Variants in SNED1 observed in about 807,000 individuals in gnomAD.
SNED1 encodes the protein sushi, nidogen and EGF like domains 1, also known as sushi, nidogen and EGF-like domain-containing protein 1.
In SNED1, 81 loss-of-function variants were observed where a neutral mutation model predicts 166.7. The ratio of observed to expected loss-of-function variants is 0.49; its 90% confidence interval spans 0.41 to 0.58. The LOEUF is 0.58. SNED1 is among the 20% of genes least tolerant of loss of function. The probability of loss-of-function intolerance (pLI) is 0.00; values close to 1 mark genes in which losing one functional copy is unlikely to be tolerated. For synonymous variants in SNED1, 762 were observed against 822.0 expected (o/e 0.93, Z 1.25); for missense variants, 1,604 against 2,000.2 (o/e 0.80, Z 3.78).
rs576654089 is a variant in SNED1, at chr2:241,019,377, T to A, written c.214-10907T>A. On this transcript the variant is annotated intron_variant, in intron 1 of 31. Transcript: ENST00000310397. ...AGACAAAGGGAGCATCACTGTCAGA[T>A]GCAAATCGTCCAGAAAGTCAAAAGC... Among the ~76,000 whole-genome samples, 14 of 152,328 alleles carry A rather than the reference T, an allele frequency of 9.2e-5. No homozygotes were observed. The East Asian group carries it at 2.5e-3, about 27-fold the overall frequency.
At chr2:241,014,948 G>A (rs2124846792) in intron 1 of SNED1, among the ~76,000 whole-genome samples, 1 of 152,264 alleles carries the variant, frequency 6.6e-6, no homozygotes, top group Middle Eastern at 3.4e-3. Context: ...GCGCCGTTGT[G>A]GCTGTTCCCG....
chr2:241,053,172 G>A lies in SNED1; in HGVS notation c.2103G>A (p.Pro701=), dbSNP rs756170797. 2.4e-5 allele frequency: 39 copies of A among 1,610,678 alleles called. No homozygotes were observed. Among genetic ancestry groups the A allele is most frequent in the Admixed American group, 8.3e-5 (5 of 59,886 alleles). The change falls in exon 16 of 32, where the codon CCG becomes CCA. Residue 701 remains proline, a synonymous_variant. Transcript: ENST00000310397. ...TTGCAGAGGTGGACTGCGGCCCCCCGGAGGAGGTGAAGCACGCCACACTGC... is the reference window on the plus strand; with the variant it reads ...TTGCAGAGGTGGACTGCGGCCCCCCAGAGGAGGTGAAGCACGCCACACTGC... ...RCQAEVDCGP[P]EEVKHATLRF...
At chr2:241,088,772 G>C (rs934823274) in intron 31 of SNED1, 1 of 276,914 alleles carries the variant, frequency 3.6e-6, no homozygotes, top group African/African-American at 2.2e-5. Flanking sequence ...TGGCACCTGG[G>C]AGGAGGGGCC....
chr2:241,068,999 A>T lies in SNED1; in HGVS notation c.3283A>T (p.Thr1095Ser). 1 of 1,553,034 alleles carries T rather than the reference A, an allele frequency of 6.4e-7. No individual in the cohort carries two copies. The highest frequency in any genetic ancestry group is 8.7e-7 in the Non-Finnish European group (1 of 1,148,452). ...GEEHPTESLATAPTHVWTRPL... is the reference protein window; with the variant it reads ...GEEHPTESLASAPTHVWTRPL... The stretch of plus-strand genomic sequence containing the variant: ...GGAGCACCCCACAGAGAGCCTGGCC[A>T]CCGCGCCGACGCACGTGTGGACCCG... Residue 1095 changes from threonine (T) to serine (S), a missense_variant, in exon 23 of 32, where the codon ACC becomes TCC. By Grantham distance (58) the Thr-to-Ser change is moderately conservative. Coordinates refer to ENST00000310397, the MANE Select transcript of SNED1 (RefSeq NM_001080437.3). This position sits in a 1 kb window ranked among gnomAD's most constrained non-coding sequence, Gnocchi z 5.3.
At chr2:241,087,246 C>T (rs2063631966) in intron 29 of SNED1, 146 bp from the exon 30 acceptor site, 1 of 640,476 alleles carries the variant, frequency 1.6e-6, no homozygotes, top group Non-Finnish European at 2.7e-6. Flanking sequence ...TTTAATACAT[C>T]AATAGGAGGT....
chr2:241,029,748 G>A (rs553043766), intron 1 of SNED1, among the ~76,000 whole-genome samples: 5 of 152,232 alleles, frequency 3.3e-5, no homozygotes, highest in Non-Finnish European at 7.4e-5. Context: ...CCGAGCACAG[G>A]CTCCCCTACT....
chr2:241,036,827 C>G lies in SNED1; in HGVS notation c.843C>G (p.Gly281=). ...TGGCCCTGCGCCCCTGCCTCAACGGCGGCAAGTGCATCGACGACTGCGTCA... is the reference window on the plus strand; with the variant it reads ...TGGCCCTGCGCCCCTGCCTCAACGGGGGCAAGTGCATCGACGACTGCGTCA... ...VCLALRPCLN[G]GKCIDDCVTG... is the part of the protein sequence containing the mutation. The change falls in exon 5 of 32, where the codon GGC becomes GGG. Residue 281 remains glycine (G), a synonymous_variant. Coordinates refer to ENST00000310397, the MANE Select transcript of SNED1 (RefSeq NM_001080437.3). 1 of 1,610,946 alleles carries G rather than the reference C, an allele frequency of 6.2e-7. No individual in the cohort carries two copies. The highest frequency in any genetic ancestry group is 1.1e-5 in the South Asian group (1 of 91,082).
rs1310680611 is a variant in SNED1 at position 241,065,534 on chromosome 2, G to A, written c.2949G>A (p.Val983=). The change falls in exon 21 of 32, where the codon GTG becomes GTA. Residue 983 remains valine (V), a synonymous_variant. Coordinates refer to ENST00000310397, the MANE Select transcript of SNED1 (RefSeq NM_001080437.3). ...CCTACAACATCTCCGTCTTCTCAGT[G>A]AAGCGAAACAGTAACAACAAGAATG... ...GRAYNISVFS[V]KRNSNNKNDI... is the part of the protein sequence containing the mutation. 1.2e-6 allele frequency: 2 copies of A among 1,612,812 alleles called. No homozygotes were observed. The highest frequency in any genetic ancestry group is 1.3e-5 in the African/African-American group (1 of 74,946).
At chr2:241,040,649 G>T (rs529052573) in intron 8 of SNED1, among the ~76,000 whole-genome samples, 5 of 152,310 alleles carry the variant, frequency 3.3e-5, no homozygotes, top group Non-Finnish European at 7.3e-5. Context: ...CCTCCAGGGT[G>T]CTGTGTGAGG....
chr2:241,034,507 C>A, intron 3 of SNED1, 61 bp from the exon 4 acceptor site: 1 of 1,450,898 alleles, frequency 6.9e-7, no homozygotes, highest in Non-Finnish European at 9.4e-7. Context: ...GGCAGGGTAA[C>A]CCCCACCTCT....
rs778898633 is a variant in SNED1 at position 241,064,118 on chromosome 2, C to T, written c.2592C>T (p.Cys864=). The change falls in exon 19 of 32, where the codon TGC becomes TGT. Residue 864 remains cysteine (C), a synonymous_variant. Transcript: ENST00000310397. This position sits in a 1 kb window ranked among gnomAD's most constrained non-coding sequence, Gnocchi z 7.0. ...VCPESFFGYH[C]ETVSDPCFSS... is the part of the protein sequence containing the mutation. ...CAGAGAGCTTCTTCGGCTACCACTG[C>T]GAGACAGGTAGGGCGGCAGGCCTGC... 3.9e-6 allele frequency: 6 copies of T among 1,557,188 alleles called. No individual in the cohort carries two copies. Among genetic ancestry groups the T allele is most frequent in the African/African-American group, 2.7e-5 (2 of 73,192 alleles).
chr2:240,999,299 C>T lies in SNED1; in HGVS notation c.213+249C>T, dbSNP rs564059910. Reference sequence around the variant, plus strand: ...CGGGGGCGAGTGGAGCGCGGCGCCCCGGCCCCTGCCAGACCTGCCGAGCGC... The same window carrying T: ...CGGGGGCGAGTGGAGCGCGGCGCCCTGGCCCCTGCCAGACCTGCCGAGCGC... On this transcript the variant is annotated intron_variant, in intron 1 of 31. Transcript: ENST00000310397. The surrounding 1 kb of genome is among the most constrained non-coding windows in gnomAD (Gnocchi z 5.8). 1.5e-3 allele frequency among the ~76,000 whole-genome samples: 222 copies of T among 151,332 alleles called. 3 individuals are homozygous for T. The South Asian group carries it at 0.024, about 17-fold the overall frequency.
At chr2:241,057,380 AATATATATATATATATAT>A (rs57902432) in intron 16 of SNED1, among the ~76,000 whole-genome samples, 20 of 118,114 alleles carry the variant, frequency 1.7e-4, no homozygotes, top group East Asian at 2.9e-4. Context: ...TCCATCTCAA[AATATATATATATATATAT>A]ATATATATAT....
chr2:241,072,063 A>G lies in SNED1; in HGVS notation c.3817+185A>G, dbSNP rs550938363. On this transcript the variant is annotated intron_variant, in intron 26 of 31. Coordinates refer to ENST00000310397, the MANE Select transcript of SNED1 (RefSeq NM_001080437.3). ...TGGGCCGCCGGCAGCATGCACCTCC[A>G]TGGCAGGAGGGGCAGCTCGTGAGGG... is the stretch of plus-strand genomic sequence containing the variant. 287 of 703,320 alleles carry G rather than the reference A, an allele frequency of 4.1e-4. 1 individual carries two copies. The highest frequency in any genetic ancestry group is 4.1e-3 in the African/African-American group (234 of 57,354). The allele number at this position is 703,320 out of a possible 1,614,324, so 43.6% of individuals were successfully genotyped here.
At chr2:241,024,264 T>TTTTTTTTTTTTTTTTTA (rs2060871972) in intron 1 of SNED1, among the ~76,000 whole-genome samples, 4 of 121,744 alleles carry the variant, frequency 3.3e-5, no homozygotes, top group African/African-American at 1.3e-4. Flanking sequence ...TTTTTTTTTT[T>TTTTTTTTTTTTTTTTTA]AGACAGAGTC....
intron 16 of SNED1, 132 bp downstream of exon 16, chr2:241,053,458 C>A: frequency 1.1e-6 from 1 of 876,526 alleles, no homozygotes; most frequent in African/African-American, 1.7e-5. Context: ...CCCTGCTCCC[C>A]TCAGTCTCCT....
chr2:241,090,035 T>A (rs2063819469), intron 31 of SNED1: 2 of 1,546,442 alleles, frequency 1.3e-6, no homozygotes, highest in East Asian at 2.4e-5. Flanking sequence ...TGCACAATAA[T>A]AAATTAGTCC....
At chr2:241,063,385 T>A in intron 17 of SNED1, 1 of 598,490 alleles carries the variant, frequency 1.7e-6, no homozygotes, top group South Asian at 1.8e-5. Context: ...GAGGTGGGGC[T>A]TTGCCAGCAG....
At chr2:241,053,516 A>G (rs941512177) in intron 16 of SNED1, among the ~76,000 whole-genome samples, 190 bp downstream of exon 16, 6 of 152,226 alleles carry the variant, frequency 3.9e-5, no homozygotes, top group Non-Finnish European at 5.9e-5. Context: ...ATCACAGTCA[A>G]CTTTGCTCTG....
Sources: allele counts gnomAD v4.1 joint callset (sites outside exome capture counted in the v4.1 genomes callset), GRCh38; gene constraint gnomAD v4.1.1; non-coding constraint Gnocchi (gnomAD v3.1); transcripts MANE v1.5; gene names NCBI Gene and HGNC (gene_info 2026-07-23, HGNC 2026-07-21).